CREB5: variants seen among roughly 807,000 people sequenced by gnomAD.
CREB5 encodes the protein cAMP responsive element binding protein 5, also known as cyclic AMP-responsive element-binding protein 5.
In CREB5, 19 loss-of-function variants were observed where a neutral mutation model predicts 57.1. That is an observed-to-expected ratio of 0.33 (90% confidence interval 0.23 to 0.49). The LOEUF (loss-of-function observed/expected upper bound fraction) is 0.49, where lower values mean the gene tolerates loss of function less well. Among genes scored for constraint, CREB5 ranks in the 20% least tolerant of loss-of-function variants. The pLI is 0.99. For synonymous variants in CREB5, 238 were observed against 238.3 expected, an observed-to-expected ratio of 1.00 and a Z score of 0.01; for missense variants, 579 against 671.6, an observed-to-expected ratio of 0.86 and a Z score of 1.52.
At chr7:28,564,386 A>G (rs965315270) in intron 4 of CREB5, among the ~76,000 whole-genome samples, 1 of 152,192 alleles carries the variant, frequency 6.6e-6, no homozygotes, top group African/African-American at 2.4e-5. Flanking sequence ...CATTCCCTTC[A>G]TCCTTCATTA....
chr7:28,320,210 A>G (rs934851619), intron 1 of CREB5, among the ~76,000 whole-genome samples: 1 of 152,130 alleles, frequency 6.6e-6, no homozygotes, highest in South Asian at 2.1e-4. Flanking sequence ...AATTACAGGC[A>G]TGAGCCACCA....
chr7:28,492,040 C>T (rs537235334), intron 2 of CREB5, among the ~76,000 whole-genome samples: 4 of 152,222 alleles, frequency 2.6e-5, no homozygotes, highest in South Asian at 4.1e-4. Flanking sequence ...ACTCTTGTCG[C>T]CCAGGCTGGA....
intron 7 of CREB5, among the ~76,000 whole-genome samples, chr7:28,789,023 T>C (rs1284020590): frequency 6.6e-6 from 1 of 152,190 alleles, no homozygotes; most frequent in Non-Finnish European, 1.5e-5. Flanking sequence ...ATCTGCCATG[T>C]TAATCTCCCT....
chr7:28,657,738 A>AAAAAAAAAAAAAAT (rs1554281277), intron 5 of CREB5, among the ~76,000 whole-genome samples: 7 of 139,886 alleles, frequency 5.0e-5, no homozygotes, highest in African/African-American at 5.2e-5. Flanking sequence ...AAAAAAAAAA[A>AAAAAAAAAAAAAAT]GAATAAAATT....
intron 5 of CREB5, among the ~76,000 whole-genome samples, chr7:28,601,459 G>T (rs1374678680): frequency 6.6e-6 from 1 of 152,142 alleles, no homozygotes; most frequent in African/African-American, 2.4e-5. Flanking sequence ...CACACCATCT[G>T]CTGGATGTAG....
intron 1 of CREB5, among the ~76,000 whole-genome samples, chr7:28,350,832 T>A (rs12700877): frequency 0.4 from 60,316 of 151,964 alleles, 12,116 homozygotes; most frequent in Admixed American, 0.43. Context: ...TCACTCGTGA[T>A]AACTGCGCTG....
intron 1 of CREB5, among the ~76,000 whole-genome samples, chr7:28,366,144 T>A (rs1351760548): frequency 1.3e-5 from 2 of 152,132 alleles, no homozygotes; most frequent in East Asian, 3.8e-4. Context: ...CCGCAAAAAA[T>A]TTTCCCAATA....
intron 5 of CREB5, among the ~76,000 whole-genome samples, chr7:28,621,882 G>A (rs934351079): frequency 6.6e-6 from 1 of 152,152 alleles, no homozygotes; most frequent in Non-Finnish European, 1.5e-5. Context: ...TGTTTTAATT[G>A]AGGAAGAGCC....
intron 1 of CREB5, among the ~76,000 whole-genome samples, chr7:28,390,936 GAATAT>G (rs10602736): frequency 0.59 from 88,571 of 150,626 alleles, 26,527 homozygotes; most frequent in East Asian, 0.7. Flanking sequence ...AAGATGGGTT[GAATAT>G]AATATAATAT....
chr7:28,723,531 T>C (rs1803163170), intron 6 of CREB5, among the ~76,000 whole-genome samples: 1 of 152,080 alleles, frequency 6.6e-6, no homozygotes, highest in Non-Finnish European at 1.5e-5. Context: ...AGCCCTGCTA[T>C]GAAACCAGGC....
At chr7:28,548,423 C>G (rs966502994) in intron 4 of CREB5, among the ~76,000 whole-genome samples, 4 of 152,154 alleles carry the variant, frequency 2.6e-5, no homozygotes, top group African/African-American at 9.7e-5. Flanking sequence ...CTGTCTCAGG[C>G]TTACCCAGAA....
At chr7:28,337,501 A>G (rs750322526) in intron 1 of CREB5, among the ~76,000 whole-genome samples, 9 of 151,360 alleles carry the variant, frequency 5.9e-5, no homozygotes, top group Non-Finnish European at 1.0e-4. Flanking sequence ...TTAGTCTGAT[A>G]TAAGTATAGC....
At chr7:28,641,487 C>T (rs552111945) in intron 5 of CREB5, among the ~76,000 whole-genome samples, 6 of 152,248 alleles carry the variant, frequency 3.9e-5, no homozygotes, top group African/African-American at 9.6e-5. Context: ...GTGAGCTAAA[C>T]GTAGCACAAG....
chr7:28,577,541 A>ATC (rs1795950739), intron 5 of CREB5, among the ~76,000 whole-genome samples: 1 of 152,182 alleles, frequency 6.6e-6, no homozygotes, highest in Non-Finnish European at 1.5e-5. Context: ...GTTACCCAGG[A>ATC]ATTAATACAC....
chr7:28,519,504 G>A (rs1221342413), intron 4 of CREB5, among the ~76,000 whole-genome samples: 1 of 148,644 alleles, frequency 6.7e-6, no homozygotes, highest in East Asian at 2.0e-4. Context: ...TAAGCTGGAG[G>A]TGAACTTAGA....
intron 1 of CREB5, among the ~76,000 whole-genome samples, chr7:28,477,398 T>C (rs1791120651): frequency 7.0e-6 from 1 of 142,616 alleles, no homozygotes; most frequent in African/African-American, 2.6e-5. Flanking sequence ...GGTTCTGGGT[T>C]TTTCCTAGCA....
At position 28,366,098 on chromosome 7, in the gene CREB5, C is replaced by A. The variant is rs764684076; in HGVS notation, c.-25+66657C>A. 4.6e-5 allele frequency among the ~76,000 whole-genome samples: 7 copies of A among 152,024 alleles called. No homozygotes were observed. The East Asian group carries it at 1.3e-3, about 29-fold the overall frequency. ...TTTAACAGAAATTTTACATTGTTTC[C>A]TTTTTCCTTAAATTTATATTTTCAC... is the stretch of plus-strand genomic sequence containing the variant. On this transcript the variant is annotated intron_variant, in intron 1 of 9. Transcript: ENST00000396299.
rs1227782260 is a variant in CREB5 at position 28,820,411 on chromosome 7, T to C, written c.*1132T>C. 1.3e-5 allele frequency: 1 copy of C among 79,636 alleles called. No homozygotes were observed. Among genetic ancestry groups the C allele is most frequent in the Non-Finnish European group, 2.9e-5 (1 of 34,706 alleles). 4.9% of individuals were successfully genotyped at this position (79,636 alleles called of 1,614,324 possible). On this transcript the variant is annotated 3_prime_UTR_variant, in exon 11 of 11. Coordinates refer to ENST00000357727, the MANE Select transcript of CREB5 (RefSeq NM_182898.4). Reference sequence around the variant, plus strand: ...ATCATCAGCTGCTAATAGCCTAAGATTTATTTTTTTTTTTTTCTTAAGCCT... The same window carrying C: ...ATCATCAGCTGCTAATAGCCTAAGACTTATTTTTTTTTTTTTCTTAAGCCT...
At chr7:28,495,311 G>A (rs544538995) in intron 3 of CREB5, among the ~76,000 whole-genome samples, 4 of 152,088 alleles carry the variant, frequency 2.6e-5, no homozygotes, top group Non-Finnish European at 4.4e-5. Flanking sequence ...GCTGAGGTGG[G>A]CAGATCACTT....
Sources: gnomAD v4.1 joint callset for allele counts (sites outside exome capture counted in the v4.1 genomes callset) on GRCh38, gnomAD v4.1.1 for gene constraint, MANE v1.5 for transcripts, NCBI Gene and HGNC (gene_info 2026-07-23, HGNC 2026-07-21) for gene names.